NRXN3: variants seen among roughly 807,000 people sequenced by gnomAD.
NRXN3 encodes neurexin III.
Under a neutral mutation model 137.6 loss-of-function variants are expected in NRXN3, and 32 were observed. The observed-to-expected ratio is 0.23, with a 90% CI of 0.18 to 0.31. The LOEUF (loss-of-function observed/expected upper bound fraction) is 0.31. Among genes scored for constraint, NRXN3 ranks in the 10% least tolerant of loss-of-function variants. The pLI is 1.00. For synonymous variants in NRXN3, 798 were observed against 784.5 expected, an observed-to-expected ratio of 1.02 and a Z score of -0.29; for missense variants, 1,574 against 2,062.5, an observed-to-expected ratio of 0.76 and a Z score of 4.59.
At chr14:78,300,618 T>G in intron 4 of NRXN3, 1 of 1,323,572 alleles carries the variant, frequency 7.6e-7, no homozygotes, top group South Asian at 1.3e-5. Flanking sequence ...TCTGTCTCTC[T>G]CTGGCCGCCT....
At chr14:78,405,803 A>G (rs535749577) in intron 4 of NRXN3, among the ~76,000 whole-genome samples, 3 of 152,222 alleles carry the variant, frequency 2.0e-5, no homozygotes, top group Middle Eastern at 3.4e-3. Flanking sequence ...AATATCAACT[A>G]TGTGTACGGC....
intron 16 of NRXN3, among the ~76,000 whole-genome samples, chr14:79,663,060 T>C (rs1409611037): frequency 2.6e-5 from 4 of 152,146 alleles, no homozygotes; most frequent in African/African-American, 9.7e-5. Context: ...TCTGCTGTGT[T>C]GCATAAGCTC....
chr14:78,190,028 A>G (rs2060571372), intron 1 of NRXN3, among the ~76,000 whole-genome samples: 1 of 152,224 alleles, frequency 6.6e-6, no homozygotes, highest in Non-Finnish European at 1.5e-5. Context: ...TCATCTGAAT[A>G]GGGTCTCATC....
chr14:79,290,245 G>T (rs1468287213), intron 15 of NRXN3, among the ~76,000 whole-genome samples: 1 of 152,166 alleles, frequency 6.6e-6, no homozygotes, highest in African/African-American at 2.4e-5. Context: ...ATATATTTAG[G>T]CTGCTTTTCT....
At chr14:78,710,079 G>A (rs1443169784) in intron 7 of NRXN3, 1 of 176,074 alleles carries the variant, frequency 5.7e-6, no homozygotes, top group South Asian at 1.4e-4. Context: ...AAACTTCACT[G>A]TGCAAGAATT....
chr14:79,502,509 C>T (rs376627266), intron 16 of NRXN3, among the ~76,000 whole-genome samples: 5 of 151,878 alleles, frequency 3.3e-5, no homozygotes, highest in African/African-American at 7.3e-5. Flanking sequence ...TTCTCTCTCT[C>T]GCCACACCCC....
chr14:79,727,055 A>G (rs2098894656), intron 19 of NRXN3, among the ~76,000 whole-genome samples: 1 of 152,188 alleles, frequency 6.6e-6, no homozygotes, highest in Non-Finnish European at 1.5e-5. Flanking sequence ...TGTTGCTGGT[A>G]TTATTTTTGC....
chr14:79,617,057 G>A (rs148906637), intron 16 of NRXN3, among the ~76,000 whole-genome samples: 14 of 152,096 alleles, frequency 9.2e-5, no homozygotes, highest in East Asian at 3.9e-4. Context: ...GCTTAGATCC[G>A]TCCCACTTAA....
intron 8 of NRXN3, among the ~76,000 whole-genome samples, chr14:78,784,079 A>C (rs1041311304): frequency 5.3e-5 from 8 of 151,732 alleles, no homozygotes; most frequent in South Asian, 2.1e-4. Context: ...AAAAAAAAAA[A>C]AACAACACCA....
At chr14:78,425,661 G>A (rs1322077911) in intron 4 of NRXN3, among the ~76,000 whole-genome samples, 1 of 152,106 alleles carries the variant, frequency 6.6e-6, no homozygotes, top group Non-Finnish European at 1.5e-5. Context: ...GCTTTATAAG[G>A]CCAACGAGTA....
chr14:79,139,616 A>G (rs2058600466), intron 15 of NRXN3, among the ~76,000 whole-genome samples: 2 of 152,118 alleles, frequency 1.3e-5, no homozygotes, highest in Non-Finnish European at 2.9e-5. Context: ...CTAAAGCCCT[A>G]CATTGACCAT....
intron 2 of NRXN3, among the ~76,000 whole-genome samples, chr14:78,248,761 A>G (rs2068117135): frequency 6.6e-6 from 1 of 152,102 alleles, no homozygotes; most frequent in Admixed American, 6.5e-5. Flanking sequence ...TCAGAGAGTA[A>G]AGGATTACTC....
chr14:79,778,992 A>G (rs761237656), intron 19 of NRXN3, among the ~76,000 whole-genome samples: 15 of 152,244 alleles, frequency 9.9e-5, no homozygotes, highest in Non-Finnish European at 1.9e-4. Context: ...CTTCTGCAAA[A>G]CAGAAATGGT....
At chr14:78,341,174 A>G (rs1345703689) in intron 4 of NRXN3, among the ~76,000 whole-genome samples, 4 of 152,096 alleles carry the variant, frequency 2.6e-5, no homozygotes, top group Non-Finnish European at 5.9e-5. Flanking sequence ...ATGAGGGCAT[A>G]AGTGGGTGTT....
chr14:79,747,813 C>T (rs2098984153), intron 19 of NRXN3, among the ~76,000 whole-genome samples: 1 of 152,048 alleles, frequency 6.6e-6, no homozygotes, highest in African/African-American at 2.4e-5. Flanking sequence ...TGAACTTGGG[C>T]CCTGGAGTCA....
intron 19 of NRXN3, among the ~76,000 whole-genome samples, chr14:79,775,244 C>G (rs77556198): frequency 6.6e-6 from 1 of 151,904 alleles, no homozygotes; most frequent in African/African-American, 2.4e-5. Flanking sequence ...AGATATTTGT[C>G]ACATAAAAAC....
intron 16 of NRXN3, among the ~76,000 whole-genome samples, chr14:79,584,506 T>A (rs2097749341): frequency 6.6e-6 from 1 of 152,050 alleles, no homozygotes; most frequent in African/African-American, 2.4e-5. Context: ...CTGGGATGAA[T>A]ATGGAGAAAG....
At chr14:78,756,061 C>A (rs180741940) in intron 8 of NRXN3, among the ~76,000 whole-genome samples, 240 of 152,256 alleles carry the variant, frequency 1.6e-3, no homozygotes, top group South Asian at 0.015. Flanking sequence ...AAGTAAAATA[C>A]CATTAGGGTA....
At chr14:78,904,860 A>G (rs2099210207) in intron 10 of NRXN3, among the ~76,000 whole-genome samples, 1 of 151,926 alleles carries the variant, frequency 6.6e-6, no homozygotes, top group African/African-American at 2.4e-5. Flanking sequence ...ACGGCTTTTC[A>G]TAGTATATTC....
Sources: allele counts gnomAD v4.1 joint callset (sites outside exome capture counted in the v4.1 genomes callset), GRCh38; gene constraint gnomAD v4.1.1; transcripts MANE v1.5; gene names NCBI Gene and HGNC (gene_info 2026-07-23, HGNC 2026-07-21).